ZNF431: variants seen among roughly 807,000 people sequenced by gnomAD.
The protein encoded by ZNF431 is zinc finger protein 431.
A neutral mutation model predicts 57.0 loss-of-function variants in ZNF431; 34 were observed. The observed-to-expected ratio is 0.60, with a 90% CI of 0.45 to 0.79. ZNF431 has a LOEUF of 0.79. Ranked by LOEUF, ZNF431 falls within the 30% of genes least tolerant of loss-of-function variation. ZNF431 has a pLI of 0.00. For synonymous variants in ZNF431, 207 were observed against 220.3 expected (o/e 0.94, Z 0.54); for missense variants, 607 against 667.1 (o/e 0.91, Z 0.99).
intron 2 of ZNF431, among the ~76,000 whole-genome samples, chr19:21,157,906 A>G (rs895789248): frequency 2.2e-5 from 3 of 138,732 alleles, no homozygotes; most frequent in Non-Finnish European, 4.6e-5. Context: ...CTGTTTTTGT[A>G]CCAATACCGT....
At chr19:21,169,978 G>A (rs1283018242) in intron 4 of ZNF431, 3 of 396,522 alleles carry the variant, frequency 7.6e-6, no homozygotes, top group African/African-American at 2.1e-5. Flanking sequence ...GAGGAGTTTG[G>A]GATGGTTACA....
intron 2 of ZNF431, among the ~76,000 whole-genome samples, chr19:21,144,556 TTAATATC>T (rs1221778191): frequency 6.6e-6 from 1 of 152,046 alleles, no homozygotes; most frequent in Non-Finnish European, 1.5e-5. Flanking sequence ...AGAAAAAAAA[TTAATATC>T]TAATTATGTA....
rs1599567129 is a variant in ZNF431 at position 21,142,073 on chromosome 19, CT to C, written c.-109del. The C allele has an allele frequency of 1.3e-5, 19 of 1,453,560 alleles. No individual in the cohort carries two copies. The East Asian group carries it at 4.3e-4, about 33-fold the overall frequency. 90.0% of individuals were successfully genotyped at this position (1,453,560 alleles called of 1,614,324 possible). A position where few individuals can be genotyped will look rare whatever the true frequency, so the allele number is the denominator to read the frequency against. ...CCGCAGCCTGAGCTCCAGGTCTCCCCTTCGCTGCTCTGTGTCCTCTGCTCCT... is the reference window on the plus strand; with the variant it reads ...CCGCAGCCTGAGCTCCAGGTCTCCCCTCGCTGCTCTGTGTCCTCTGCTCCT... On this transcript the variant is annotated 5_prime_UTR_variant, in exon 1 of 5. Transcript: ENST00000311048.
chr19:21,167,162 C>T (rs1344842544), intron 3 of ZNF431, among the ~76,000 whole-genome samples: 2 of 150,780 alleles, frequency 1.3e-5, no homozygotes, highest in Non-Finnish European at 3.0e-5. Context: ...CTGGCTAAAA[C>T]ACTTTTTTTT....
intron 4 of ZNF431, among the ~76,000 whole-genome samples, chr19:21,181,778 G>T (rs1336177746): frequency 3.9e-4 from 59 of 151,804 alleles, no homozygotes; most frequent in Non-Finnish European, 1.5e-5. Context: ...TAAAATTAAT[G>T]TATACATCTT....
rs1485432224 is a variant in ZNF431, at chr19:21,192,885, TCA to T, written c.*8854_*8855del. 1 of 152,114 alleles carries T rather than the reference TCA, an allele frequency of 6.6e-6. No homozygotes were observed. Among genetic ancestry groups the T allele is most frequent in the Non-Finnish European group, 1.5e-5 (1 of 68,020 alleles). 9.4% of individuals were successfully genotyped at this position (152,114 alleles called of 1,614,324 possible). A position where few individuals can be genotyped will look rare whatever the true frequency, so the allele number is the denominator to read the frequency against. ...ATATTTAAGTTTTAGAGATGTGAAATCACAACTAATTCTGCATACATACAAAA... is the reference window on the plus strand; with the variant it reads ...ATATTTAAGTTTTAGAGATGTGAAATCAACTAATTCTGCATACATACAAAA... On this transcript the variant is annotated 3_prime_UTR_variant, in exon 5 of 5. Transcript: ENST00000311048.
At chr19:21,154,363 G>A (rs1261411056) in intron 2 of ZNF431, among the ~76,000 whole-genome samples, 2 of 152,124 alleles carry the variant, frequency 1.3e-5, no homozygotes, top group African/African-American at 4.8e-5. Context: ...CATTTTTTAT[G>A]GCTGCATAGT....
Position 21,167,651 on chromosome 19 carries a change from G to T in ZNF431, c.304G>T (p.Val102Leu). Residue 102 changes from valine to leucine, a missense_variant, in exon 4 of 5, where the codon GTG (valine) becomes TTG (leucine). Transcript: ENST00000311048. Reference sequence around the variant, plus strand: ...CTGGAATATGAAGAGACATGAGATGGTGGATGAACCCCCAGGTAGGTGAGA... The same window carrying T: ...CTGGAATATGAAGAGACATGAGATGTTGGATGAACCCCCAGGTAGGTGAGA... ...EPWNMKRHEM[V>L]DEPPAMCSYF... The T allele has an allele frequency of 1.3e-6, 2 of 1,576,072 alleles. No homozygotes were observed. The highest frequency in any genetic ancestry group is 2.3e-5 in the East Asian group (1 of 43,466).
chr19:21,162,604 C>T (rs796397107), intron 2 of ZNF431: 2 of 495,274 alleles, frequency 4.0e-6, no homozygotes, highest in African/African-American at 4.2e-5. Flanking sequence ...CACACCCGAC[C>T]AGATTCACCC....
In ZNF431 at chr19:21,189,713, C is replaced by T; in HGVS notation, c.*5679C>T. On this transcript the variant is annotated 3_prime_UTR_variant, in exon 5 of 5. Transcript: ENST00000311048. ...TGCATCTGATGGTCACCATTTTACT[C>T]TCTACATCAATGGGATTAAGTTTTT... The T allele has an allele frequency of 2.6e-6, 1 of 390,472 alleles. No individual in the cohort carries two copies. The highest frequency in any genetic ancestry group is 6.5e-4 in the Middle Eastern group (1 of 1,546). 24.2% of individuals were successfully genotyped at this position (390,472 alleles called of 1,614,324 possible).
At chr19:21,161,296 A>G (rs543945764) in intron 2 of ZNF431, among the ~76,000 whole-genome samples, 3 of 152,222 alleles carry the variant, frequency 2.0e-5, no homozygotes, top group Non-Finnish European at 2.9e-5. Flanking sequence ...ATAGATGTGT[A>G]CAAAAAAACT....
At position 21,194,114 on chromosome 19, in the gene ZNF431, G is replaced by A. The variant is rs1034533584; in HGVS notation, c.*10080G>A. ...TAATTCTCTACCTAGAAAACTTTAA[G>A]GATTTTACCAAAAGACTCCTAAGGT... On this transcript the variant is annotated 3_prime_UTR_variant, in exon 5 of 5. Coordinates refer to ENST00000311048, the MANE Select transcript of ZNF431 (RefSeq NM_133473.4). The A allele has an allele frequency of 6.6e-6, 1 of 152,064 alleles. No individual in the cohort carries two copies. The highest frequency in any genetic ancestry group is 1.5e-5 in the Non-Finnish European group (1 of 68,022). 9.4% of individuals were successfully genotyped at this position (152,064 alleles called of 1,614,324 possible). A position where few individuals can be genotyped will look rare whatever the true frequency, so the allele number is the denominator to read the frequency against.
At chr19:21,166,975 C>G (rs1408676067) in intron 3 of ZNF431, among the ~76,000 whole-genome samples, 1 of 152,076 alleles carries the variant, frequency 6.6e-6, no homozygotes, top group East Asian at 1.9e-4. Flanking sequence ...ATTCTCCTGC[C>G]TCAGCCTCCC....
intron 4 of ZNF431, among the ~76,000 whole-genome samples, chr19:21,180,924 A>T (rs556852511): frequency 6.7e-5 from 10 of 149,774 alleles, no homozygotes; most frequent in African/African-American, 2.2e-4. Flanking sequence ...CTGGCGACAG[A>T]GTGAGACTCC....
intron 4 of ZNF431, among the ~76,000 whole-genome samples, chr19:21,176,739 C>A (rs1193170810): frequency 3.3e-5 from 5 of 151,952 alleles, no homozygotes; most frequent in African/African-American, 1.2e-4. Context: ...GCTCTGTCAC[C>A]CAGGCTGGAG....
At chr19:21,156,828 G>A (rs149119388) in intron 2 of ZNF431, among the ~76,000 whole-genome samples, 12 of 152,116 alleles carry the variant, frequency 7.9e-5, no homozygotes, top group South Asian at 4.1e-4. Context: ...AGGCTGAAGT[G>A]CAGTGGTGCA....
At chr19:21,149,335 T>C (rs1970198735) in intron 2 of ZNF431, among the ~76,000 whole-genome samples, 1 of 152,194 alleles carries the variant, frequency 6.6e-6, no homozygotes, top group Admixed American at 6.5e-5. Flanking sequence ...TTAGATCAAA[T>C]GTTTATATTT....
Position 21,143,598 on chromosome 19 carries a change from C to A in ZNF431, c.51C>A (p.Cys17Ter). ...GVYPLKEASG[C>*]PGAERNLLVY... ...ATCCTCTCAAGGAAGCAAGTGGATG[C>A]CCTGGGGCTGAGAGGAATCTTCTAG... Residue 17 changes from cysteine (C) to a stop codon, truncating the protein, a stop_gained, in exon 2 of 5, where the codon TGC becomes TGA. Transcript: ENST00000311048. LOFTEE classifies it high-confidence loss of function. 2 of 1,613,948 alleles carry A rather than the reference C, an allele frequency of 1.2e-6. No homozygotes were observed. Among genetic ancestry groups the A allele is most frequent in the African/African-American group, 1.3e-5 (1 of 75,030 alleles).
chr19:21,178,792 T>TG (rs1971128574), intron 4 of ZNF431, among the ~76,000 whole-genome samples: 2 of 68,332 alleles, frequency 2.9e-5, no homozygotes, highest in African/African-American at 5.9e-5. Flanking sequence ...GACTTGAAGG[T>TG]TTGTGTGTGT....
Sources: gnomAD v4.1 joint callset for allele counts (sites outside exome capture counted in the v4.1 genomes callset) on GRCh38, gnomAD v4.1.1 for gene constraint, MANE v1.5 for transcripts, NCBI Gene and HGNC (gene_info 2026-07-23, HGNC 2026-07-21) for gene names.